The following CATSPERD variants were observed in gnomAD, a reference collection of about 807,000 sequenced individuals.
CATSPERD encodes catsper channel auxiliary subunit delta, also known as cation channel sperm-associated auxiliary subunit delta.
A neutral mutation model predicts 98.1 loss-of-function variants in CATSPERD; 86 were observed. That is an observed-to-expected ratio of 0.88 (90% CI 0.74 to 1.05). The LOEUF (loss-of-function observed/expected upper bound fraction) is 1.05. CATSPERD is among the 50% of genes least tolerant of loss of function. The probability of loss-of-function intolerance (pLI) is 0.00; values close to 1 mark genes in which losing one functional copy is unlikely to be tolerated. For missense variants in CATSPERD, 995 were observed against 1,005.7 expected (o/e 0.99, Z 0.14); for synonymous variants, 394 against 390.2 (o/e 1.01, Z -0.12).
intron 4 of CATSPERD, among the ~76,000 whole-genome samples, chr19:5,731,595 G>A (rs993077748): frequency 2.3e-4 from 13 of 56,590 alleles, no homozygotes; most frequent in Non-Finnish European, 4.8e-4. Context: ...TTGAGACGGA[G>A]TCTCGCTCTG....
chr19:5,729,976 C>G, intron 4 of CATSPERD, 32 bp downstream of exon 4: 1 of 1,198,502 alleles, frequency 8.3e-7, no homozygotes, highest in African/African-American at 1.5e-5. Context: ...CTGAAGGATG[C>G]TAGTATAAGT....
Position 5,757,920 on chromosome 19 carries a change from C to T in CATSPERD, c.1356C>T (p.Thr452=), listed in dbSNP as rs376275603. 46 of 1,612,056 alleles carry T rather than the reference C, an allele frequency of 2.9e-5. No homozygotes were observed. Among genetic ancestry groups the T allele is most frequent in the South Asian group, 2.2e-4 (20 of 90,816 alleles). The part of the protein sequence containing the change: ...YENGYTSDGN[T]KYKLDIFLKQ... ...ACGGTTACACATCAGATGGGAACAC[C>T]AAGTACAAACTGGTGAGCCGCGTCC... is the stretch of plus-strand genomic sequence containing the variant. The change falls in exon 14 of 22, where the codon ACC becomes ACT. Residue 452 remains threonine (T), a synonymous_variant. Transcript: ENST00000381624.
chr19:5,753,019 C>T (rs2056250219), intron 12 of CATSPERD, among the ~76,000 whole-genome samples: 1 of 144,422 alleles, frequency 6.9e-6, no homozygotes, highest in Non-Finnish European at 1.5e-5. Context: ...TGGAGTGAGA[C>T]TCCATGTCAA....
rs763844202 is a variant in CATSPERD at position 5,754,208 on chromosome 19, C to T, written c.1241C>T (p.Ser414Leu). 24 of 1,613,688 alleles carry T rather than the reference C, an allele frequency of 1.5e-5. No individual in the cohort carries two copies. Among genetic ancestry groups the T allele is most frequent in the Middle Eastern group, 1.6e-4 (1 of 6,074 alleles). Residue 414 changes from serine (S) to leucine (L), a missense_variant, in exon 13 of 22, where the codon TCG becomes TTG. Ser to Leu is a moderately radical substitution (Grantham distance 145, BLOSUM62 -2). Transcript: ENST00000381624. ...DMHSQLELTASLIPQPGTSLI... is the reference protein window; with the variant it reads ...DMHSQLELTALLIPQPGTSLI... ...CACAGCCAGCTGGAATTGACTGCTTCGTTGATACCCCAGCCAGGCACATCC... is the reference window on the plus strand; with the variant it reads ...CACAGCCAGCTGGAATTGACTGCTTTGTTGATACCCCAGCCAGGCACATCC...
At chr19:5,739,925 CAA>C (rs1304575200) in intron 7 of CATSPERD, among the ~76,000 whole-genome samples, 1 of 151,022 alleles carries the variant, frequency 6.6e-6, no homozygotes, top group Non-Finnish European at 1.5e-5. Context: ...AAGTTAGAGA[CAA>C]AAAGTTTTAG....
chr19:5,760,073 C>CAAAA (rs60075484), intron 15 of CATSPERD, among the ~76,000 whole-genome samples: 3 of 48,482 alleles, frequency 6.2e-5, no homozygotes, highest in African/African-American at 9.4e-5. Context: ...GACTCCATCT[C>CAAAA]AAAAAAAAAA....
intron 6 of CATSPERD, 36 bp from the exon 7 acceptor site, chr19:5,739,290 T>G: frequency 8.3e-7 from 1 of 1,203,018 alleles, no homozygotes; most frequent in Non-Finnish European, 1.2e-6. Context: ...TGCTGGCATC[T>G]TTCTTTCATT....
At position 5,729,873 on chromosome 19, in the gene CATSPERD, A is replaced by C; in HGVS notation, c.205A>C (p.Lys69Gln). ...TAACTTATTTATTGTTTATTTCAGG[A>C]AACAAGTTTTTTTCACAATGGATAA... ...CEKNIALYLG[K>Q]QVFFTMDNFE... Residue 69 changes from lysine (K) to glutamine (Q), a missense_variant and splice_region_variant, in exon 4 of 22, where the codon AAA becomes CAA. By Grantham distance (53) the Lys-to-Gln change is moderately conservative (BLOSUM62 1). Coordinates refer to ENST00000381624, the MANE Select transcript of CATSPERD (RefSeq NM_152784.4). 14 of 1,569,494 alleles carry C rather than the reference A, an allele frequency of 8.9e-6. No individual in the cohort carries two copies. Among genetic ancestry groups the C allele is most frequent in the Non-Finnish European group, 1.2e-5 (14 of 1,145,888 alleles).
intron 15 of CATSPERD, among the ~76,000 whole-genome samples, chr19:5,761,060 A>G (rs1272666723): frequency 6.6e-6 from 1 of 150,814 alleles, no homozygotes; most frequent in African/African-American, 2.4e-5. Flanking sequence ...TTTTGAGACG[A>G]AGTTTCACTC....
At chr19:5,770,374 G>A (rs1412462086) in intron 18 of CATSPERD, among the ~76,000 whole-genome samples, 2 of 150,162 alleles carry the variant, frequency 1.3e-5, no homozygotes, top group Admixed American at 6.7e-5. Flanking sequence ...AGGTTGCAGT[G>A]AGCTGAGATT....
chr19:5,747,169 CTT>C (rs748726369), intron 9 of CATSPERD, among the ~76,000 whole-genome samples: 162 of 105,742 alleles, frequency 1.5e-3, no homozygotes, highest in South Asian at 5.6e-3. Context: ...AATGGTTTCC[CTT>C]TTTTTTTTTT....
At chr19:5,731,855 G>A (rs539560707) in intron 4 of CATSPERD, among the ~76,000 whole-genome samples, 4 of 152,184 alleles carry the variant, frequency 2.6e-5, no homozygotes, top group South Asian at 2.1e-4. Flanking sequence ...GATTACAGGC[G>A]TGAGCCACCG....
intron 1 of CATSPERD, 24 bp downstream of exon 1, chr19:5,720,832 G>A: frequency 6.3e-7 from 1 of 1,586,446 alleles, no homozygotes; most frequent in Non-Finnish European, 8.5e-7. Flanking sequence ...GACTCCTGGG[G>A]CTGGGGTGCT....
chr19:5,751,808 C>T lies in CATSPERD; in HGVS notation c.1149C>T (p.His383=), dbSNP rs369741473. ...IQALLMDPEL[H]VGKCKIEFLT... is the part of the protein sequence containing the mutation. ...CGCTTCTCATGGACCCTGAACTCCA[C>T]GTTGGAAAGTGCAAGGTATGTGATC... Residue 383 remains histidine, a synonymous_variant, in exon 12 of 22, where the codon CAC becomes CAT. Coordinates refer to ENST00000381624, the MANE Select transcript of CATSPERD (RefSeq NM_152784.4). The T allele has an allele frequency of 4.3e-5, 69 of 1,611,116 alleles. 1 individual carries two copies. Among genetic ancestry groups the T allele is most frequent in the South Asian group, 3.5e-4 (32 of 90,868 alleles).
intron 13 of CATSPERD, among the ~76,000 whole-genome samples, 161 bp from the exon 14 acceptor site, chr19:5,757,682 C>T (rs1441834805): frequency 2.8e-5 from 4 of 141,330 alleles, no homozygotes; most frequent in South Asian, 2.2e-4. Flanking sequence ...CTCAAGCAGT[C>T]TTCTCACCTT....
At chr19:5,766,651 T>G (rs2056544050) in intron 17 of CATSPERD, among the ~76,000 whole-genome samples, 1 of 151,916 alleles carries the variant, frequency 6.6e-6, no homozygotes, top group Non-Finnish European at 1.5e-5. Flanking sequence ...TTAAGTTTGT[T>G]TCCAGCATGT....
chr19:5,746,090 T>A, intron 9 of CATSPERD, 27 bp downstream of exon 9: 1 of 1,603,510 alleles, frequency 6.2e-7, no homozygotes, highest in East Asian at 2.3e-5. Context: ...AGGGTGGGGC[T>A]GCCGCCTGGT....
At position 5,741,794 on chromosome 19, in the gene CATSPERD, GGGGGTGGT is replaced by G. The variant is rs1017563299; in HGVS notation, c.573+2357_573+2364del. Among the ~76,000 whole-genome samples the G allele has an allele frequency of 1.9e-3, 175 of 93,614 alleles. 34 individuals carry two copies. Among genetic ancestry groups the G allele is most frequent in the African/African-American group, 6.2e-3 (164 of 26,594 alleles). The allele number at this position is 93,614 out of a possible 152,430, so 61.4% of individuals were successfully genotyped here. On this transcript the variant is annotated intron_variant, in intron 7 of 21. Transcript: ENST00000381624. ...TTTGGGATGCTGAAGGCGGGGGGGG[GGGGGTGGT>G]GTGGATCACTTGAGGTCAGGAGTTC...
chr19:5,727,295 A>C lies in CATSPERD; in HGVS notation c.154A>C (p.Thr52Pro), dbSNP rs1169705024. Reference protein sequence around the residue: ...GDRLYFHPTTTRLIKHPCEKN... With the variant: ...GDRLYFHPTTPRLIKHPCEKN... ...CCGCCTGTATTTTCATCCTACAACA[A>C]CACGCTTGATTAAACATCCTTGCGA... The change falls in exon 3 of 22, where the codon ACA becomes CCA. Residue 52 changes from threonine to proline, a missense_variant. Physicochemically the swap from Thr to Pro is conservative, Grantham distance 38. This residue lies in a region of CATSPERD where 228 missense variants were observed against 209.6 expected (regional missense o/e 1.09). Transcript: ENST00000381624. 1.9e-6 allele frequency: 3 copies of C among 1,613,820 alleles called. No homozygotes were observed. Among genetic ancestry groups the C allele is most frequent in the South Asian group, 2.2e-5 (2 of 91,074 alleles).
Sources: allele counts gnomAD v4.1 joint callset (sites outside exome capture counted in the v4.1 genomes callset), GRCh38; gene constraint gnomAD v4.1.1; regional missense constraint gnomAD v4.1.1; transcripts MANE v1.5; gene names NCBI Gene and HGNC (gene_info 2026-07-23, HGNC 2026-07-21).